Variants in DIAPH3 observed in about 807,000 individuals in gnomAD.
DIAPH3 encodes the protein protein diaphanous homolog 3.
In DIAPH3, 117 loss-of-function variants were observed where a neutral mutation model predicts 144.3. The observed-to-expected ratio is 0.81, with a 90% CI of 0.70 to 0.95. DIAPH3 has a LOEUF of 0.95. Among genes scored for constraint, DIAPH3 ranks in the 40% least tolerant of loss-of-function variants. DIAPH3 has a pLI of 0.00. For synonymous variants in DIAPH3, 519 were observed against 488.9 expected, an observed-to-expected ratio of 1.06 and a Z score of -0.81; for missense variants, 1,421 against 1,412.7, an observed-to-expected ratio of 1.01 and a Z score of -0.09.
intron 1 of DIAPH3, among the ~76,000 whole-genome samples, chr13:60,134,820 T>C (rs112732633): frequency 1.8e-3 from 270 of 152,276 alleles, no homozygotes; most frequent in African/African-American, 6.0e-3. Flanking sequence ...CTATTTAGGA[T>C]GGTATGCCAC....
chr13:59,992,647 A>G, intron 9 of DIAPH3, 64 bp from the exon 10 acceptor site: 1 of 1,285,570 alleles, frequency 7.8e-7, no homozygotes, highest in Admixed American at 1.8e-5. Flanking sequence ...TAACAAACGT[A>G]AACTTCAAGG....
chr13:60,148,705 A>C (rs533639172), intron 1 of DIAPH3, among the ~76,000 whole-genome samples: 4 of 152,218 alleles, frequency 2.6e-5, no homozygotes, highest in Non-Finnish European at 5.9e-5. Context: ...AATACAATGA[A>C]GAAGTCATAT....
chr13:59,763,665 C>A (rs2037724099), intron 27 of DIAPH3, among the ~76,000 whole-genome samples: 1 of 152,028 alleles, frequency 6.6e-6, no homozygotes, highest in Non-Finnish European at 1.5e-5. Flanking sequence ...GCCTAGGCAA[C>A]AGAGAGAAAC....
intron 27 of DIAPH3, among the ~76,000 whole-genome samples, chr13:59,715,181 TG>T (rs2034987128): frequency 6.6e-6 from 1 of 152,206 alleles, no homozygotes; most frequent in Non-Finnish European, 1.5e-5. Flanking sequence ...ATTATCTTGA[TG>T]GTAATGAGAG....
At chr13:59,987,293 T>G (rs1052942469) in intron 12 of DIAPH3, among the ~76,000 whole-genome samples, 85 of 137,100 alleles carry the variant, frequency 6.2e-4, no homozygotes, top group East Asian at 6.0e-3. Flanking sequence ...CATGGACACA[T>G]GAAGGGGAAT....
intron 27 of DIAPH3, among the ~76,000 whole-genome samples, chr13:59,749,589 T>C (rs2036893932): frequency 6.7e-6 from 1 of 150,170 alleles, no homozygotes. Context: ...TTTTATTATA[T>C]CCAATAGGGC....
chr13:60,062,917 T>C (rs748050549), intron 4 of DIAPH3, among the ~76,000 whole-genome samples: 5 of 152,226 alleles, frequency 3.3e-5, no homozygotes, highest in Non-Finnish European at 5.9e-5. Flanking sequence ...TCAATGTTGA[T>C]GGCAGCTGAG....
At chr13:60,139,565 T>G (rs1249311777) in intron 1 of DIAPH3, among the ~76,000 whole-genome samples, 1 of 152,082 alleles carries the variant, frequency 6.6e-6, no homozygotes, top group Non-Finnish European at 1.5e-5. Context: ...ATCATTCAAG[T>G]GTCCACAGCA....
intron 2 of DIAPH3, among the ~76,000 whole-genome samples, chr13:60,127,730 A>G (rs911125746): frequency 3.9e-5 from 6 of 152,120 alleles, no homozygotes; most frequent in African/African-American, 1.4e-4. Flanking sequence ...CCAGGATGGG[A>G]GAAGAGAATT....
Position 59,666,642 on chromosome 13 carries a change from G to A in DIAPH3, c.3524C>T (p.Ser1175Phe), listed in dbSNP as rs778104687. The A allele has an allele frequency of 6.2e-7, 1 of 1,614,044 alleles. No homozygotes were observed. Among genetic ancestry groups the A allele is most frequent in the Non-Finnish European group, 8.5e-7 (1 of 1,179,986 alleles). Reference protein sequence around the residue: ...KKETELLGSFSKNESVPEVEA... With the variant: ...KKETELLGSFFKNESVPEVEA... ...AACTTCGGGAACTGATTCATTTTTA[G>A]AAAAAGAGCCAAGAAGTTCCGTTTC... The change falls in exon 28 of 28, where the codon TCT becomes TTT. Residue 1175 changes from serine (S) to phenylalanine (F), a missense_variant. Transcript: ENST00000400324.
chr13:59,887,330 A>G (rs2045517963), intron 20 of DIAPH3, among the ~76,000 whole-genome samples: 1 of 152,060 alleles, frequency 6.6e-6, no homozygotes, highest in Admixed American at 6.6e-5. Context: ...CAACTTTTGC[A>G]TCTATGTTCA....
intron 17 of DIAPH3, among the ~76,000 whole-genome samples, chr13:59,955,356 A>G (rs1211774731): frequency 2.6e-5 from 4 of 151,998 alleles, no homozygotes; most frequent in African/African-American, 7.2e-5. Flanking sequence ...TGATATTTTT[A>G]TAAAGGGCAG....
chr13:59,769,837 A>G lies in DIAPH3; in HGVS notation c.3319+4352T>C, dbSNP rs2038033591. 2.6e-5 allele frequency among the ~76,000 whole-genome samples: 4 copies of G among 152,126 alleles called. No homozygotes were observed. In the South Asian group the frequency reaches 8.3e-4, roughly 32 times the overall value. On this transcript the variant is annotated intron_variant, in intron 27 of 27. Coordinates refer to ENST00000400324, the MANE Select transcript of DIAPH3 (RefSeq NM_001042517.2). The stretch of plus-strand genomic sequence containing the variant: ...ACACCATACTATGATATTTATTAAA[A>G]TGCATTAATAAATATTTTAATTATC...
chr13:60,013,295 T>A, intron 7 of DIAPH3: 1 of 860,850 alleles, frequency 1.2e-6, no homozygotes. Flanking sequence ...GGAAAGTTAA[T>A]GCTCTAAATC....
intron 27 of DIAPH3, among the ~76,000 whole-genome samples, chr13:59,668,792 G>T (rs1476700769): frequency 1.3e-5 from 2 of 151,336 alleles, no homozygotes; most frequent in Non-Finnish European, 2.9e-5. Context: ...TAATGAACTT[G>T]GTAGGCAAAT....
intron 27 of DIAPH3, among the ~76,000 whole-genome samples, chr13:59,674,684 TG>T (rs2032546227): frequency 6.6e-6 from 1 of 152,194 alleles, no homozygotes; most frequent in Admixed American, 6.5e-5. Flanking sequence ...GTATCCACCA[TG>T]GCCTCCCTAA....
At chr13:60,061,964 C>T (rs2056791973) in intron 4 of DIAPH3, among the ~76,000 whole-genome samples, 3 of 151,940 alleles carry the variant, frequency 2.0e-5, no homozygotes, top group Admixed American at 2.0e-4. Flanking sequence ...ACCCCACCTC[C>T]AAATGTTCAA....
chr13:59,860,523 G>A (rs999732347), intron 22 of DIAPH3, among the ~76,000 whole-genome samples: 3 of 152,124 alleles, frequency 2.0e-5, no homozygotes, highest in African/African-American at 7.2e-5. Context: ...CGGATCAGGA[G>A]GTCAGGAGAT....
intron 18 of DIAPH3, among the ~76,000 whole-genome samples, chr13:59,918,292 G>A (rs186534446): frequency 2.0e-3 from 296 of 150,126 alleles, no homozygotes; most frequent in Non-Finnish European, 3.8e-3. Flanking sequence ...TCCCTTTGTC[G>A]CTAACAACAA....
Sources: gnomAD v4.1 joint callset for allele counts (sites outside exome capture counted in the v4.1 genomes callset) on GRCh38, gnomAD v4.1.1 for gene constraint, MANE v1.5 for transcripts, NCBI Gene and HGNC (gene_info 2026-07-23, HGNC 2026-07-21) for gene names.